SETBP1: variants seen among roughly 807,000 people sequenced by gnomAD.
SETBP1 encodes the protein SET-binding protein.
SETBP1 carries 9 observed loss-of-function variants against 101.0 expected under a neutral mutation model. The observed-to-expected ratio is 0.09, with a 90% CI of 0.05 to 0.16. The LOEUF is 0.16. SETBP1 is among the 10% of genes least tolerant of loss of function. The pLI, the probability that SETBP1 is intolerant of heterozygous loss-of-function variation, is 1.00. For synonymous variants in SETBP1, 818 were observed against 788.5 expected, an observed-to-expected ratio of 1.04 and a Z score of -0.63; for missense variants, 1,858 against 2,033.8, an observed-to-expected ratio of 0.91 and a Z score of 1.66.
chr18:44,732,593 C>T (rs1221460556), intron 2 of SETBP1: 1 of 152,218 alleles, frequency 6.6e-6, no homozygotes, highest in South Asian at 2.1e-4. Flanking sequence ...CTATTTAGCC[C>T]TCAATGCATA....
At chr18:44,728,824 G>C (rs1481889790) in intron 2 of SETBP1, among the ~76,000 whole-genome samples, 2 of 152,178 alleles carry the variant, frequency 1.3e-5, no homozygotes, top group African/African-American at 4.8e-5. Context: ...GTGATGAAAT[G>C]ATAGACTTGA....
At chr18:44,820,886 A>G (rs1442345816) in intron 2 of SETBP1, among the ~76,000 whole-genome samples, 1 of 152,248 alleles carries the variant, frequency 6.6e-6, no homozygotes, top group Non-Finnish European at 1.5e-5. Context: ...ATAAAGAGTC[A>G]CAATGACATT....
intron 2 of SETBP1, among the ~76,000 whole-genome samples, chr18:44,792,695 G>A (rs374396198): frequency 1.3e-5 from 2 of 152,138 alleles, no homozygotes; most frequent in Non-Finnish European, 2.9e-5. Flanking sequence ...GACAAAGTAG[G>A]AATATGCTTT....
At chr18:45,001,976 C>A (rs1232223185) in intron 4 of SETBP1, among the ~76,000 whole-genome samples, 2 of 152,070 alleles carry the variant, frequency 1.3e-5, no homozygotes, top group Non-Finnish European at 2.9e-5. Flanking sequence ...TCCAAGGCTC[C>A]CCCACCAAAA....
At chr18:45,048,717 A>G (rs1029709375) in intron 5 of SETBP1, among the ~76,000 whole-genome samples, 1 of 152,064 alleles carries the variant, frequency 6.6e-6, no homozygotes, top group Non-Finnish European at 1.5e-5. Context: ...TCACGCCTGT[A>G]ATCCCAGCAC....
chr18:44,874,448 G>A (rs927358678), intron 3 of SETBP1, among the ~76,000 whole-genome samples: 2 of 152,164 alleles, frequency 1.3e-5, no homozygotes, highest in Admixed American at 6.5e-5. Flanking sequence ...AAGGCGTGAT[G>A]AAACCAAGAG....
intron 2 of SETBP1, among the ~76,000 whole-genome samples, chr18:44,785,603 T>G (rs1049400444): frequency 3.3e-5 from 5 of 152,224 alleles, no homozygotes; most frequent in East Asian, 1.9e-4. Flanking sequence ...TTCCAGTCCC[T>G]AGACTTGTCA....
intron 3 of SETBP1, among the ~76,000 whole-genome samples, chr18:44,927,575 G>T (rs1178540126): frequency 3.3e-5 from 5 of 152,234 alleles, no homozygotes; most frequent in Admixed American, 2.6e-4. Context: ...AGGCAGAGAA[G>T]ATTGAGGCTG....
chr18:44,867,121 A>G (rs2069146133), intron 2 of SETBP1, among the ~76,000 whole-genome samples: 1 of 152,220 alleles, frequency 6.6e-6, no homozygotes, highest in South Asian at 2.1e-4. Context: ...GTAAGTCTCA[A>G]TTTTCCCATC....
At chr18:44,712,511 G>A (rs2069368871) in intron 2 of SETBP1, among the ~76,000 whole-genome samples, 1 of 152,120 alleles carries the variant, frequency 6.6e-6, no homozygotes, top group South Asian at 2.1e-4. Flanking sequence ...TCCTCATGGT[G>A]GATCATGGGT....
intron 2 of SETBP1, among the ~76,000 whole-genome samples, chr18:44,753,232 T>G (rs1433486241): frequency 6.6e-6 from 1 of 152,190 alleles, no homozygotes; most frequent in Non-Finnish European, 1.5e-5. Flanking sequence ...GCTCTTGTGT[T>G]GGGACCAATT....
intron 5 of SETBP1, among the ~76,000 whole-genome samples, chr18:45,041,206 C>T (rs2145505583): frequency 6.6e-6 from 1 of 152,198 alleles, no homozygotes; most frequent in Non-Finnish European, 1.5e-5. Flanking sequence ...TTTTTTTCTC[C>T]ATAAATATGG....
At chr18:45,002,577 T>G (rs905498983) in intron 4 of SETBP1, among the ~76,000 whole-genome samples, 2 of 152,196 alleles carry the variant, frequency 1.3e-5, no homozygotes, top group Non-Finnish European at 2.9e-5. Flanking sequence ...TCTTTTATAT[T>G]TATATTTTTA....
At chr18:45,028,287 T>C (rs927340343) in intron 4 of SETBP1, among the ~76,000 whole-genome samples, 4 of 151,806 alleles carry the variant, frequency 2.6e-5, no homozygotes, top group African/African-American at 9.7e-5. Flanking sequence ...TGTGATAGTT[T>C]ACTGAGAATG....
chr18:44,768,365 G>A (rs763606802), intron 2 of SETBP1, among the ~76,000 whole-genome samples: 3 of 152,022 alleles, frequency 2.0e-5, no homozygotes, highest in Admixed American at 6.6e-5. Flanking sequence ...CTTATTAAAT[G>A]CTTTCATGGT....
chr18:44,802,934 C>T (rs138331128), intron 2 of SETBP1, among the ~76,000 whole-genome samples: 2,058 of 152,154 alleles, frequency 0.014, 20 homozygotes, highest in Non-Finnish European at 0.02. Flanking sequence ...CAGCTATGTT[C>T]CCCTGGCATC....
At chr18:44,836,884 A>T (rs1360909905) in intron 2 of SETBP1, among the ~76,000 whole-genome samples, 1 of 152,016 alleles carries the variant, frequency 6.6e-6, no homozygotes, top group Non-Finnish European at 1.5e-5. Flanking sequence ...TTTCTATTTG[A>T]GCCACTGCAG....
chr18:45,048,498 C>G (rs1318469312), intron 5 of SETBP1, among the ~76,000 whole-genome samples: 3 of 152,186 alleles, frequency 2.0e-5, no homozygotes, highest in Non-Finnish European at 4.4e-5. Flanking sequence ...TATGTATCCT[C>G]ACTCCCCCTT....
chr18:44,913,847 G>A (rs1283688978), intron 3 of SETBP1, among the ~76,000 whole-genome samples: 1 of 152,174 alleles, frequency 6.6e-6, no homozygotes, highest in Non-Finnish European at 1.5e-5. Flanking sequence ...ACATGGCTGG[G>A]TTCATTCCAT....
Sources: allele counts gnomAD v4.1 joint callset (sites outside exome capture counted in the v4.1 genomes callset), GRCh38; gene constraint gnomAD v4.1.1; transcripts MANE v1.5; gene names NCBI Gene and HGNC (gene_info 2026-07-23, HGNC 2026-07-21).